Variants in NCAM1 observed in about 807,000 individuals in gnomAD.
NCAM1 encodes neural cell adhesion molecule 1, also known as antigen recognized by monoclonal antibody 5.1H11.
NCAM1 carries 14 observed loss-of-function variants against 109.8 expected under a neutral mutation model. The observed-to-expected ratio is 0.13, with a 90% CI of 0.08 to 0.20. The LOEUF is 0.20. Among genes scored for constraint, NCAM1 ranks in the 10% least tolerant of loss-of-function variants. NCAM1 has a pLI of 1.00. For missense variants in NCAM1, 774 were observed against 1,109.9 expected (o/e 0.70, Z 4.30); for synonymous variants, 418 against 442.9 (o/e 0.94, Z 0.70).
chr11:113,205,788 G>A lies in NCAM1; in HGVS notation c.490+122G>A, dbSNP rs1165119052. 6 of 1,368,490 alleles carry A rather than the reference G, an allele frequency of 4.4e-6. No individual in the cohort carries two copies. In the East Asian group the frequency reaches 1.4e-4, roughly 32 times the overall value. The allele number at this position is 1,368,490 out of a possible 1,614,324, so 84.8% of individuals were successfully genotyped here. On this transcript the variant is annotated intron_variant, in intron 4 of 19. Coordinates refer to ENST00000316851, the MANE Select transcript of NCAM1 (RefSeq NM_181351.5). ...TCATGTGTGCCCGAACCCTCATGTG[G>A]TTTCTGGGTCCTGAATAGATGCATA... is the stretch of plus-strand genomic sequence containing the variant.
At chr11:113,239,026 A>G (rs782259662) in intron 14 of NCAM1, among the ~76,000 whole-genome samples, 2 of 152,160 alleles carry the variant, frequency 1.3e-5, no homozygotes, top group Non-Finnish European at 2.9e-5. Context: ...AGACCTTTCC[A>G]TGTTTAGGGA....
chr11:113,273,497 C>T lies in NCAM1; in HGVS notation c.2456+1621C>T, dbSNP rs1326779100. 2 of 335,684 alleles carry T rather than the reference C, an allele frequency of 6.0e-6. No individual in the cohort carries two copies. The highest frequency in any genetic ancestry group is 1.7e-4 in the East Asian group (2 of 11,746). The allele number at this position is 335,684 out of a possible 1,614,324, so 20.8% of individuals were successfully genotyped here. A position where few individuals can be genotyped will look rare whatever the true frequency, so the allele number is the denominator to read the frequency against. ...CCACCCAGCCCGGAGCCGCGAAGAG[C>T]CCGGCCGAGGCAGCCACAGCCCTTG... On this transcript the variant is annotated intron_variant, in intron 19 of 19. Transcript: ENST00000316851. The surrounding 1 kb of genome is among the most constrained non-coding windows in gnomAD (Gnocchi z 6.0).
chr11:113,013,251 A>AC (rs1555074780), intron 1 of NCAM1, among the ~76,000 whole-genome samples: 1 of 151,820 alleles, frequency 6.6e-6, no homozygotes. Context: ...ACATGGTGAG[A>AC]CCCCATATCT....
intron 15 of NCAM1, among the ~76,000 whole-genome samples, chr11:113,254,065 T>C (rs555597757): frequency 1.3e-5 from 2 of 152,334 alleles, no homozygotes; most frequent in East Asian, 3.9e-4. Flanking sequence ...TGATCTAAAA[T>C]CTATGCCACT....
chr11:113,148,199 G>A (rs1428711201), intron 1 of NCAM1, among the ~76,000 whole-genome samples: 12 of 152,210 alleles, frequency 7.9e-5, no homozygotes, highest in African/African-American at 2.4e-4. Context: ...CAGTTCGGAC[G>A]TGCAGGTGTG....
Position 113,270,405 on chromosome 11 carries a change from G to C in NCAM1, c.2339+10G>C. ...GCAAGGCCGCCTTCTCGTGAGTGCA[G>C]ACCTGTCCACCTTGCTGAGGTTTGG... On this transcript the variant is annotated intron_variant, in intron 18 of 19. Coordinates refer to ENST00000316851, the MANE Select transcript of NCAM1 (RefSeq NM_181351.5). 1 of 1,613,784 alleles carries C rather than the reference G, an allele frequency of 6.2e-7. No individual in the cohort carries two copies. The highest frequency in any genetic ancestry group is 8.5e-7 in the Non-Finnish European group (1 of 1,179,790).
rs1265644247 is a variant in NCAM1 at position 113,266,668 on chromosome 11, T to C, written c.2132-3520T>C. On this transcript the variant is annotated intron_variant, in intron 17 of 19. Coordinates refer to ENST00000316851, the MANE Select transcript of NCAM1 (RefSeq NM_181351.5). ...AAAGTGGGGAGCCCCAGATTCTGAA[T>C]TGTTAACAAACACCCTAGGAATTTG... 2.6e-5 allele frequency among the ~76,000 whole-genome samples: 4 copies of C among 152,198 alleles called. No individual in the cohort carries two copies. In the East Asian group the frequency reaches 7.7e-4, roughly 29 times the overall value.
intron 1 of NCAM1, among the ~76,000 whole-genome samples, chr11:113,012,951 A>T (rs1226415922): frequency 6.6e-6 from 1 of 152,172 alleles, no homozygotes; most frequent in Non-Finnish European, 1.5e-5. Flanking sequence ...GATGTCTACA[A>T]CATACTTTCA....
intron 1 of NCAM1, among the ~76,000 whole-genome samples, chr11:113,101,071 G>A (rs1939853558): frequency 6.6e-6 from 1 of 152,158 alleles, no homozygotes; most frequent in South Asian, 2.1e-4. Flanking sequence ...CAAATTAGGA[G>A]ATTCCAGTTT....
At chr11:113,204,190 G>A in intron 2 of NCAM1, 96 bp from the exon 3 acceptor site, 1 of 1,015,694 alleles carries the variant, frequency 9.8e-7, no homozygotes, top group South Asian at 1.6e-5. Context: ...CTGATCTGTT[G>A]TTCAGTAACT....
chr11:113,270,962 T>C (rs674246), intron 18 of NCAM1, among the ~76,000 whole-genome samples: 54,230 of 151,952 alleles, frequency 0.36, 10,561 homozygotes, highest in African/African-American at 0.52. Context: ...CTTCGAAGAC[T>C]GTCACTGGGT....
chr11:113,275,097 G>A (rs1485470611), intron 19 of NCAM1, among the ~76,000 whole-genome samples, 170 bp from the exon 20 acceptor site: 2 of 152,164 alleles, frequency 1.3e-5, no homozygotes, highest in East Asian at 1.9e-4. Flanking sequence ...AACACAGCTC[G>A]GGCTTGGGTG....
At position 113,224,678 on chromosome 11, in the gene NCAM1, C is replaced by T. The variant is rs564650430; in HGVS notation, c.1089+3353C>T. Among the ~76,000 whole-genome samples, 565 of 152,320 alleles carry T rather than the reference C, an allele frequency of 3.7e-3. 3 individuals carry two copies. Among genetic ancestry groups the T allele is most frequent in the Non-Finnish European group, 6.5e-3 (440 of 68,026 alleles). ...CCCCGAGTAGCCTAACTGGGAGGCA[C>T]CCCCCAGTAGGGGCAGACTGACACC... On this transcript the variant is annotated intron_variant, in intron 9 of 19. Transcript: ENST00000316851.
At chr11:113,221,412 T>C (rs897356879) in intron 9 of NCAM1, 87 bp downstream of exon 9, 2 of 1,347,916 alleles carry the variant, frequency 1.5e-6, no homozygotes, top group Admixed American at 2.1e-5. Context: ...CCAGACATGC[T>C]AAACTAATTA....
At chr11:113,039,008 A>G (rs1172739727) in intron 1 of NCAM1, among the ~76,000 whole-genome samples, 3 of 152,196 alleles carry the variant, frequency 2.0e-5, no homozygotes, top group African/African-American at 7.2e-5. Flanking sequence ...AATGTCATCC[A>G]TTTGTCTACT....
intron 8 of NCAM1, among the ~76,000 whole-genome samples, chr11:113,219,222 GA>G (rs1219412654): frequency 4.6e-5 from 7 of 152,194 alleles, no homozygotes; most frequent in African/African-American, 1.7e-4. Context: ...CCACAAGTAA[GA>G]GAGAACTTTT....
chr11:113,147,178 C>A (rs1942049089), intron 1 of NCAM1, among the ~76,000 whole-genome samples: 1 of 152,244 alleles, frequency 6.6e-6, no homozygotes, highest in African/African-American at 2.4e-5. Flanking sequence ...TGTTCCTACA[C>A]TATGTGCAAC....
At position 113,252,799 on chromosome 11, in the gene NCAM1, C is replaced by CTTTTTTTTTT. The variant is rs33948720; in HGVS notation, c.1829-3056_1829-3047dup. 3.3e-4 allele frequency among the ~76,000 whole-genome samples: 13 copies of CTTTTTTTTTT among 39,718 alleles called. 2 individuals are homozygous for CTTTTTTTTTT. The highest frequency in any genetic ancestry group is 3.5e-4 in the Non-Finnish European group (8 of 23,110). The allele number at this position is 39,718 out of a possible 152,430, so 26.1% of individuals were successfully genotyped here. On this transcript the variant is annotated intron_variant, in intron 15 of 19. Transcript: ENST00000316851. ...TACAGGCACATGCCACTATGCCCAGCTTTTTTTTTTTTTTTTTTTTTTTTT... is the reference window on the plus strand; with the variant it reads ...TACAGGCACATGCCACTATGCCCAGCTTTTTTTTTTTTTTTTTTTTTTTTTTTTTTTTTTT...
intron 9 of NCAM1, among the ~76,000 whole-genome samples, chr11:113,224,331 A>G (rs60596558): frequency 1.3e-5 from 2 of 152,184 alleles, no homozygotes; most frequent in Admixed American, 1.3e-4. Context: ...AGCCTCGCTC[A>G]TTGCTAGCAC....
Sources: gnomAD v4.1 joint callset for allele counts (sites outside exome capture counted in the v4.1 genomes callset) on GRCh38, gnomAD v4.1.1 for gene constraint, Gnocchi (gnomAD v3.1) non-coding constraint, MANE v1.5 for transcripts, NCBI Gene and HGNC (gene_info 2026-07-23, HGNC 2026-07-21) for gene names.